Variants in XKR6 observed in about 807,000 individuals in gnomAD.
The protein encoded by XKR6 is XK related 6.
XKR6 carries 22 observed loss-of-function variants against 56.7 expected under a neutral mutation model. The ratio of observed to expected loss-of-function variants is 0.39; its 90% CI spans 0.28 to 0.55. The LOEUF is 0.55. Among genes scored for constraint, XKR6 ranks in the 20% least tolerant of loss-of-function variants. The probability of loss-of-function intolerance (pLI) is 0.66; values close to 1 mark genes in which losing one functional copy is unlikely to be tolerated. For synonymous variants in XKR6, 524 were observed against 387.8 expected (o/e 1.35, Z -4.13); for missense variants, 852 against 889.0 (o/e 0.96, Z 0.53).
chr8:10,896,704 A>G lies in XKR6; in HGVS notation c.*1248T>C, dbSNP rs1433686596. ...GTCTTTGAAATGGGTCAGTTATTAC[A>G]ATTTTGACTTTTTATATATATGTAT... is the stretch of plus-strand genomic sequence containing the variant. On this transcript the variant is annotated 3_prime_UTR_variant, in exon 3 of 3. Coordinates refer to ENST00000416569, the MANE Select transcript of XKR6 (RefSeq NM_173683.4). 6.6e-6 allele frequency: 1 copy of G among 152,032 alleles called. No individual in the cohort carries two copies. The highest frequency in any genetic ancestry group is 1.5e-5 in the Non-Finnish European group (1 of 67,934). 9.4% of individuals were successfully genotyped at this position (152,032 alleles called of 1,614,324 possible). A position where few individuals can be genotyped will look rare whatever the true frequency, so the allele number is the denominator to read the frequency against.
intron 1 of XKR6, among the ~76,000 whole-genome samples, chr8:10,990,769 G>C (rs1435236070): frequency 6.6e-6 from 1 of 151,950 alleles, no homozygotes; most frequent in Non-Finnish European, 1.5e-5. Context: ...TTTTTGTAGA[G>C]ACGAGATTTT....
chr8:11,164,038 T>C (rs1378084422), intron 1 of XKR6, among the ~76,000 whole-genome samples: 1 of 152,176 alleles, frequency 6.6e-6, no homozygotes, highest in Admixed American at 6.5e-5. Context: ...GCCACTCTCA[T>C]GCTGATTTCA....
At chr8:10,952,659 A>G (rs1032648084) in intron 1 of XKR6, among the ~76,000 whole-genome samples, 3 of 152,120 alleles carry the variant, frequency 2.0e-5, no homozygotes, top group Non-Finnish European at 4.4e-5. Flanking sequence ...TACAGTTTGA[A>G]TGTGTATCCT....
intron 1 of XKR6, among the ~76,000 whole-genome samples, chr8:11,163,470 T>C (rs1454418247): frequency 6.6e-6 from 1 of 152,244 alleles, no homozygotes; most frequent in African/African-American, 2.4e-5. Context: ...CAAATCTGCA[T>C]ACACCATGTC....
intron 1 of XKR6, among the ~76,000 whole-genome samples, chr8:11,072,822 G>T (rs914015022): frequency 6.6e-6 from 1 of 152,124 alleles, no homozygotes; most frequent in Non-Finnish European, 1.5e-5. Flanking sequence ...GACCAAGGCG[G>T]GTGGATCACT....
At chr8:11,110,703 C>G (rs995843918) in intron 1 of XKR6, among the ~76,000 whole-genome samples, 4 of 152,176 alleles carry the variant, frequency 2.6e-5, no homozygotes, top group Non-Finnish European at 5.9e-5. Flanking sequence ...AAAAGATAGC[C>G]GCTCGAGGAC....
At chr8:11,039,581 G>A (rs1046898999) in intron 1 of XKR6, among the ~76,000 whole-genome samples, 13 of 152,200 alleles carry the variant, frequency 8.5e-5, no homozygotes, top group African/African-American at 1.2e-4. Context: ...GACAACACGC[G>A]CTGGCCCCAA....
intron 1 of XKR6, among the ~76,000 whole-genome samples, chr8:10,978,295 T>C (rs900592086): frequency 6.6e-6 from 1 of 152,268 alleles, no homozygotes; most frequent in Admixed American, 6.5e-5. Context: ...TGGTATTTAA[T>C]GTTATGCATT....
intron 1 of XKR6, among the ~76,000 whole-genome samples, chr8:10,977,431 G>C (rs1017504285): frequency 1.3e-5 from 2 of 151,836 alleles, no homozygotes; most frequent in African/African-American, 2.4e-5. Context: ...AAGCCAAGCA[G>C]TCAGCCAGTG....
chr8:11,105,559 T>G (rs1015611831), intron 1 of XKR6: 4 of 152,242 alleles, frequency 2.6e-5, no homozygotes, highest in African/African-American at 9.6e-5. Context: ...TCACTCCCAC[T>G]GATGACTGGG....
At chr8:11,147,877 T>C (rs1199048844) in intron 1 of XKR6, among the ~76,000 whole-genome samples, 40 of 152,000 alleles carry the variant, frequency 2.6e-4, no homozygotes, top group Non-Finnish European at 1.5e-5. Flanking sequence ...TCTCAGAATG[T>C]GGCTGTATTT....
chr8:10,907,038 C>T lies in XKR6; in HGVS notation c.962-8122G>A, dbSNP rs145351622. On this transcript the variant is annotated intron_variant, in intron 2 of 2. Coordinates refer to ENST00000416569, the MANE Select transcript of XKR6 (RefSeq NM_173683.4). ...ACTCCAGCCTGGCAACAGAGCAAGA[C>T]TCCATCTCAGAAAAAAAAAAGAAAA... 4.9e-4 allele frequency among the ~76,000 whole-genome samples: 74 copies of T among 151,404 alleles called. 1 individual carries two copies. Among genetic ancestry groups the T allele is most frequent in the African/African-American group, 1.6e-3 (67 of 41,240 alleles).
At chr8:11,150,793 C>T (rs1801233194) in intron 1 of XKR6, among the ~76,000 whole-genome samples, 1 of 138,606 alleles carries the variant, frequency 7.2e-6, no homozygotes, top group Non-Finnish European at 1.5e-5. Context: ...GCAGAAGTCA[C>T]AGTGAACCAA....
At chr8:10,991,560 G>C (rs899290941) in intron 1 of XKR6, among the ~76,000 whole-genome samples, 3 of 152,130 alleles carry the variant, frequency 2.0e-5, no homozygotes, top group African/African-American at 7.2e-5. Flanking sequence ...CTTAACTTGA[G>C]GCAAAACAAC....
intron 2 of XKR6, among the ~76,000 whole-genome samples, chr8:10,911,453 T>C (rs1800362036): frequency 6.7e-6 from 1 of 148,528 alleles, no homozygotes; most frequent in South Asian, 2.1e-4. Flanking sequence ...AGTATACATA[T>C]ATAGAGAGAG....
chr8:11,194,510 G>C (rs1803760561), intron 1 of XKR6: 1 of 152,182 alleles, frequency 6.6e-6, no homozygotes, highest in Non-Finnish European at 1.5e-5. Context: ...AAGAAATCCA[G>C]AATTCCTGAT....
At chr8:10,924,513 G>A in intron 2 of XKR6, 121 bp downstream of exon 2, 1 of 1,224,008 alleles carries the variant, frequency 8.2e-7, no homozygotes. Flanking sequence ...GCGTCCTGGG[G>A]ACTCAGGGCA....
chr8:11,125,531 C>T (rs1022310277), intron 1 of XKR6, among the ~76,000 whole-genome samples: 18 of 152,134 alleles, frequency 1.2e-4, no homozygotes, highest in Admixed American at 1.1e-3. Flanking sequence ...AGGGCCATAA[C>T]GGAGATGATG....
At chr8:10,950,920 T>C (rs1222413926) in intron 1 of XKR6, among the ~76,000 whole-genome samples, 1 of 152,170 alleles carries the variant, frequency 6.6e-6, no homozygotes, top group Non-Finnish European at 1.5e-5. Flanking sequence ...ATGAGAAGCC[T>C]GAGGTGCAGA....
Sources: gnomAD v4.1 joint callset for allele counts (sites outside exome capture counted in the v4.1 genomes callset) on GRCh38, gnomAD v4.1.1 for gene constraint, MANE v1.5 for transcripts, NCBI Gene and HGNC (gene_info 2026-07-23, HGNC 2026-07-21) for gene names.